The following KCNK2 variants were observed in gnomAD, a reference collection of about 807,000 sequenced individuals.
KCNK2 encodes potassium channel subfamily K member 2.
KCNK2 carries 21 observed loss-of-function variants against 40.5 expected under a neutral mutation model. That is an observed-to-expected ratio of 0.52 (90% confidence interval 0.37 to 0.75). KCNK2 has a LOEUF of 0.75. Among genes scored for constraint, KCNK2 ranks in the 30% least tolerant of loss-of-function variants. KCNK2 has a pLI of 0.00. For missense variants in KCNK2, 399 were observed against 531.6 expected (o/e 0.75, Z 2.45); for synonymous variants, 191 against 202.2 (o/e 0.94, Z 0.47).
chr1:215,177,863 C>T (rs1664054226), intron 5 of KCNK2, among the ~76,000 whole-genome samples: 1 of 149,230 alleles, frequency 6.7e-6, no homozygotes, highest in Non-Finnish European at 1.5e-5. Flanking sequence ...TGTTCAGGCT[C>T]CTTTTTGATT....
At chr1:215,044,371 G>A (rs1272006088) in intron 1 of KCNK2, among the ~76,000 whole-genome samples, 1 of 152,088 alleles carries the variant, frequency 6.6e-6, no homozygotes, top group East Asian at 1.9e-4. Flanking sequence ...CCCTGGTTTA[G>A]TTGAACAAAA....
chr1:215,232,947 T>G (rs755051414), intron 6 of KCNK2, among the ~76,000 whole-genome samples: 1 of 152,232 alleles, frequency 6.6e-6, no homozygotes, highest in Non-Finnish European at 1.5e-5. Flanking sequence ...TTTGTAAGTG[T>G]GCATGAAATT....
chr1:215,206,575 A>T (rs1466217920), intron 6 of KCNK2, among the ~76,000 whole-genome samples: 1 of 152,190 alleles, frequency 6.6e-6, no homozygotes, highest in Non-Finnish European at 1.5e-5. Flanking sequence ...TTCTGATTAC[A>T]TACAGACTAT....
chr1:215,182,099 C>T (rs1411506194), intron 5 of KCNK2, among the ~76,000 whole-genome samples: 2 of 152,116 alleles, frequency 1.3e-5, no homozygotes, highest in Admixed American at 1.3e-4. Flanking sequence ...CCTGGGCATG[C>T]AGCAGAGAGT....
At chr1:215,105,403 G>T (rs547462269) in intron 2 of KCNK2, among the ~76,000 whole-genome samples, 1 of 152,096 alleles carries the variant, frequency 6.6e-6, no homozygotes, top group South Asian at 2.1e-4. Context: ...CATGTAACAG[G>T]GTTTCCTTCC....
At chr1:215,035,573 T>C (rs1370033936) in intron 1 of KCNK2, among the ~76,000 whole-genome samples, 1 of 152,086 alleles carries the variant, frequency 6.6e-6, no homozygotes, top group Non-Finnish European at 1.5e-5. Context: ...TTTATCCACG[T>C]TGTTACACAA....
chr1:215,112,166 T>C (rs1660714214), intron 2 of KCNK2, among the ~76,000 whole-genome samples: 1 of 152,054 alleles, frequency 6.6e-6, no homozygotes, highest in Admixed American at 6.5e-5. Context: ...AAGAAGCCTT[T>C]TGGAAAGTCT....
At chr1:215,103,827 T>C (rs1181062105) in intron 2 of KCNK2, among the ~76,000 whole-genome samples, 1 of 152,042 alleles carries the variant, frequency 6.6e-6, no homozygotes, top group African/African-American at 2.4e-5. Context: ...TCCTGATCCA[T>C]AGACAGCTTG....
chr1:215,013,077 C>A (rs543070564), intron 1 of KCNK2, among the ~76,000 whole-genome samples: 1 of 151,260 alleles, frequency 6.6e-6, no homozygotes, highest in Admixed American at 6.6e-5. Flanking sequence ...TGAAAAATTT[C>A]TTTTGTGTTT....
intron 3 of KCNK2, among the ~76,000 whole-genome samples, chr1:215,149,244 C>T (rs1217021862): frequency 3.9e-5 from 6 of 152,102 alleles, no homozygotes; most frequent in South Asian, 2.1e-4. Context: ...TGCCTCATTG[C>T]CTACAAAGCC....
At chr1:215,057,240 T>C (rs975695674) in intron 1 of KCNK2, among the ~76,000 whole-genome samples, 2 of 152,068 alleles carry the variant, frequency 1.3e-5, no homozygotes, top group African/African-American at 4.8e-5. Context: ...ATATGCATAT[T>C]TAAGCATAAA....
chr1:215,159,566 G>A (rs568587969), intron 3 of KCNK2, among the ~76,000 whole-genome samples: 31 of 152,200 alleles, frequency 2.0e-4, no homozygotes, highest in Non-Finnish European at 3.2e-4. Flanking sequence ...TGCTATATAT[G>A]TAATACAATT....
At chr1:215,092,342 G>A (rs1659725567) in intron 2 of KCNK2, among the ~76,000 whole-genome samples, 1 of 151,978 alleles carries the variant, frequency 6.6e-6, no homozygotes, top group Non-Finnish European at 1.5e-5. Flanking sequence ...AACTGGTTTT[G>A]GGCATAATGT....
At chr1:215,094,341 T>C (rs1659886058) in intron 2 of KCNK2, among the ~76,000 whole-genome samples, 1 of 152,070 alleles carries the variant, frequency 6.6e-6, no homozygotes. Context: ...AAAAAAGCAC[T>C]TTAAAGCAGT....
At chr1:215,114,500 A>C (rs1660835149) in intron 2 of KCNK2, among the ~76,000 whole-genome samples, 1 of 152,168 alleles carries the variant, frequency 6.6e-6, no homozygotes, top group African/African-American at 2.4e-5. Context: ...CAAACAAAAT[A>C]GAGTTCAACC....
chr1:215,204,037 CAAAAAAAA>C (rs71167813), intron 6 of KCNK2, among the ~76,000 whole-genome samples: 4 of 53,178 alleles, frequency 7.5e-5, no homozygotes, highest in African/African-American at 4.3e-4. Flanking sequence ...GACTCCGTCT[CAAAAAAAA>C]AAAAAAAAAA....
intron 1 of KCNK2, among the ~76,000 whole-genome samples, chr1:215,029,928 G>A (rs1466588411): frequency 6.6e-6 from 1 of 151,922 alleles, no homozygotes; most frequent in African/African-American, 2.4e-5. Context: ...TGGATAATAA[G>A]AAGGAGCACA....
chr1:215,043,071 T>C (rs1366245418), intron 1 of KCNK2, among the ~76,000 whole-genome samples: 9 of 152,220 alleles, frequency 5.9e-5, no homozygotes, highest in African/African-American at 2.2e-4. Context: ...CTCACAGGTC[T>C]AGCAGTCAAT....
At position 215,043,615 on chromosome 1, in the gene KCNK2, A is replaced by C. The variant is rs368116050; in HGVS notation, c.34+37660A>C. Among the ~76,000 whole-genome samples, 6 of 152,290 alleles carry C rather than the reference A, an allele frequency of 3.9e-5. No individual in the cohort carries two copies. The East Asian group carries it at 1.2e-3, about 29-fold the overall frequency. On this transcript the variant is annotated intron_variant, in intron 1 of 6. Transcript: ENST00000391895. ...TCAGAATCATAGAGACAGAAAGTAG[A>C]ATGGTGGTTGCCATGGGCTTGGGGG... is the stretch of plus-strand genomic sequence containing the variant.
Sources: allele counts gnomAD v4.1 joint callset (sites outside exome capture counted in the v4.1 genomes callset), GRCh38; gene constraint gnomAD v4.1.1; transcripts MANE v1.5; gene names NCBI Gene and HGNC (gene_info 2026-07-23, HGNC 2026-07-21).